Variants in FAM133B observed in about 807,000 individuals in gnomAD.
FAM133B encodes protein FAM133B.
FAM133B carries 25 observed loss-of-function variants against 46.4 expected under a neutral mutation model. The observed-to-expected ratio is 0.54, with a 90% CI of 0.39 to 0.75. FAM133B has a LOEUF of 0.75. Ranked by LOEUF, FAM133B falls within the 30% of genes least tolerant of loss-of-function variation. The probability of loss-of-function intolerance (pLI) is 0.00; values close to 1 mark genes in which losing one functional copy is unlikely to be tolerated. For missense variants in FAM133B, 205 were observed against 277.6 expected, an observed-to-expected ratio of 0.74 and a Z score of 1.86; for synonymous variants, 75 against 86.0, an observed-to-expected ratio of 0.87 and a Z score of 0.71.
chr7:92,565,947 A>G, intron 10 of FAM133B, 67 bp downstream of exon 10: 1 of 1,525,400 alleles, frequency 6.6e-7, no homozygotes, highest in South Asian at 1.1e-5. Flanking sequence ...AAGCTTTACC[A>G]TGACTCATTT....
intron 1 of FAM133B, among the ~76,000 whole-genome samples, chr7:92,582,319 T>C (rs1585314082): frequency 6.7e-6 from 1 of 149,420 alleles, no homozygotes; most frequent in African/African-American, 2.5e-5. Context: ...TAAAATAACA[T>C]AACATAAAAT....
chr7:92,568,380 G>C (rs1366331428), intron 9 of FAM133B, among the ~76,000 whole-genome samples: 1 of 151,998 alleles, frequency 6.6e-6, no homozygotes, highest in Non-Finnish European at 1.5e-5. Context: ...TGATTGAGAT[G>C]GAGTTTCACT....
At chr7:92,590,209 C>G in intron 1 of FAM133B, 59 bp downstream of exon 1, 1 of 1,613,050 alleles carries the variant, frequency 6.2e-7, no homozygotes, top group Non-Finnish European at 8.5e-7. Flanking sequence ...AGCGAGGGTT[C>G]TCGCTGTCCT....
chr7:92,583,645 C>T (rs1794952997), intron 1 of FAM133B, among the ~76,000 whole-genome samples: 1 of 152,212 alleles, frequency 6.6e-6, no homozygotes, highest in Middle Eastern at 3.4e-3. Flanking sequence ...TTAAAATTCG[C>T]ATTGCTACTG....
At chr7:92,579,176 G>A (rs74591953) in intron 3 of FAM133B, 141 bp downstream of exon 3, 27 of 621,580 alleles carry the variant, frequency 4.3e-5, no homozygotes, top group Middle Eastern at 4.5e-4. Context: ...AGGGCGGCGG[G>A]GGGGGGCCTT....
intron 10 of FAM133B, among the ~76,000 whole-genome samples, chr7:92,565,066 G>C: frequency 6.6e-6 from 1 of 151,622 alleles, no homozygotes; most frequent in South Asian, 2.1e-4. Context: ...TATTATCAAA[G>C]ATAACAGAAA....
intron 10 of FAM133B, among the ~76,000 whole-genome samples, chr7:92,563,124 G>C (rs1358805221): frequency 6.6e-6 from 1 of 152,144 alleles, no homozygotes; most frequent in Non-Finnish European, 1.5e-5. Context: ...TGCTGCTAGT[G>C]TACTGATATT....
intron 8 of FAM133B, among the ~76,000 whole-genome samples, chr7:92,574,822 A>G (rs546383757): frequency 2.0e-3 from 297 of 151,508 alleles, no homozygotes; most frequent in Middle Eastern, 0.01. Flanking sequence ...GGAGAATGGC[A>G]TGAACCCGGG....
chr7:92,562,301 G>T lies in FAM133B; in HGVS notation c.725C>A (p.Ser242Ter). Reference protein sequence around the residue: ...SKKKKKKAASSSPDSP With the variant: ...SKKKKKKAAS Reference sequence around the variant, plus strand: ...TTAATGTTATGGTGAGTCAGGACTTGAACTAGCAGCCTTCTTTTTCTTCTT... The same window carrying T: ...TTAATGTTATGGTGAGTCAGGACTTTAACTAGCAGCCTTCTTTTTCTTCTT... The change falls in exon 11 of 11, where the codon TCA becomes TAA. Residue 242 changes from serine (S) to a stop codon, truncating the protein, a stop_gained. Coordinates refer to ENST00000445716, the MANE Select transcript of FAM133B (RefSeq NM_152789.4). LOFTEE classifies it high-confidence loss of function. The T allele has an allele frequency of 6.5e-7, 1 of 1,534,176 alleles. No homozygotes were observed. The highest frequency in any genetic ancestry group is 2.3e-4 in the Middle Eastern group (1 of 4,388).
At chr7:92,589,902 CA>C (rs1795144274) in intron 1 of FAM133B, 2 of 301,448 alleles carry the variant, frequency 6.6e-6, no homozygotes, top group South Asian at 9.4e-5. Context: ...CGGATGCGTC[CA>C]AGGGCCTAAG....
chr7:92,586,887 G>A (rs902108381), intron 1 of FAM133B, among the ~76,000 whole-genome samples: 1 of 152,204 alleles, frequency 6.6e-6, no homozygotes, highest in Non-Finnish European at 1.5e-5. Flanking sequence ...ATGAACTTAA[G>A]AGCCCTTTAC....
At chr7:92,567,743 G>C (rs541357697) in intron 9 of FAM133B, among the ~76,000 whole-genome samples, 1 of 152,286 alleles carries the variant, frequency 6.6e-6, no homozygotes, top group Admixed American at 6.5e-5. Context: ...TTCATGTGAT[G>C]AATCTGTTTA....
intron 1 of FAM133B, 183 bp downstream of exon 1, chr7:92,590,085 C>A: frequency 2.6e-6 from 2 of 769,480 alleles, no homozygotes; most frequent in Non-Finnish European, 4.1e-6. Flanking sequence ...AGCTGGGAAC[C>A]CTAAAGCGCC....
At chr7:92,585,658 C>G (rs927911991) in intron 1 of FAM133B, among the ~76,000 whole-genome samples, 8 of 151,920 alleles carry the variant, frequency 5.3e-5, no homozygotes, top group Non-Finnish European at 1.0e-4. Context: ...AAAGCAAAGG[C>G]AAGTTGCCAA....
At chr7:92,563,945 C>A (rs1228813565) in intron 10 of FAM133B, among the ~76,000 whole-genome samples, 1 of 152,220 alleles carries the variant, frequency 6.6e-6, no homozygotes, top group Admixed American at 6.5e-5. Context: ...CTTGTGCCCA[C>A]TTATCTCCTG....
At chr7:92,576,086 T>C (rs1162517552) in intron 7 of FAM133B, among the ~76,000 whole-genome samples, 1 of 152,232 alleles carries the variant, frequency 6.6e-6, no homozygotes, top group Non-Finnish European at 1.5e-5. Context: ...TATTTTAAAA[T>C]AGGACTTCGT....
chr7:92,589,233 T>C (rs1032684764), intron 1 of FAM133B, among the ~76,000 whole-genome samples: 3 of 152,238 alleles, frequency 2.0e-5, no homozygotes, highest in African/African-American at 2.4e-5. Context: ...CCTAAGCTTA[T>C]TGTTATTTCA....
intron 1 of FAM133B, among the ~76,000 whole-genome samples, chr7:92,584,117 G>A (rs547438666): frequency 6.7e-6 from 1 of 149,556 alleles, no homozygotes; most frequent in South Asian, 2.1e-4. Flanking sequence ...ACAGTGGTCA[G>A]TGGTGTGATC....
chr7:92,583,610 T>C (rs1794951185), intron 1 of FAM133B, among the ~76,000 whole-genome samples: 1 of 152,196 alleles, frequency 6.6e-6, no homozygotes, highest in Non-Finnish European at 1.5e-5. Context: ...TTAATGACAG[T>C]GTTTAGCAAA....
Sources: gnomAD v4.1 joint callset for allele counts (sites outside exome capture counted in the v4.1 genomes callset) on GRCh38, gnomAD v4.1.1 for gene constraint, MANE v1.5 for transcripts, NCBI Gene and HGNC (gene_info 2026-07-23, HGNC 2026-07-21) for gene names.